ABCA12: variants seen among roughly 807,000 people sequenced by gnomAD.
ABCA12 encodes the protein ATP binding cassette subfamily A member 12.
Under a neutral mutation model 293.5 loss-of-function variants are expected in ABCA12, and 156 were observed. The ratio of observed to expected loss-of-function variants is 0.53; its 90% CI spans 0.47 to 0.61. The LOEUF is 0.61. ABCA12 is among the 20% of genes least tolerant of loss of function. The pLI is 0.00. For synonymous variants in ABCA12, 1,063 were observed against 1,108.0 expected, an observed-to-expected ratio of 0.96 and a Z score of 0.81; for missense variants, 2,797 against 3,090.2, an observed-to-expected ratio of 0.91 and a Z score of 2.25.
intron 22 of ABCA12, among the ~76,000 whole-genome samples, chr2:214,998,060 A>T (rs1483826798): frequency 6.6e-6 from 1 of 152,068 alleles, no homozygotes; most frequent in African/African-American, 2.4e-5. Context: ...TAAAATTGCC[A>T]TATTGTTTAA....
intron 2 of ABCA12, among the ~76,000 whole-genome samples, chr2:215,077,375 A>G (rs1036361461): frequency 2.6e-5 from 4 of 152,338 alleles, no homozygotes; most frequent in Admixed American, 1.3e-4. Context: ...GCTTTATAAC[A>G]ATGCTCTCTG....
intron 2 of ABCA12, among the ~76,000 whole-genome samples, chr2:215,085,817 A>G (rs759020073): frequency 7.4e-4 from 112 of 152,220 alleles, no homozygotes; most frequent in Non-Finnish European, 5.0e-4. Flanking sequence ...TGTTCAATAA[A>G]GCATCAACCT....
chr2:215,046,113 C>A, intron 6 of ABCA12, 98 bp from the exon 7 acceptor site: 1 of 1,272,334 alleles, frequency 7.9e-7, no homozygotes, highest in South Asian at 1.3e-5. Flanking sequence ...TAGATTTTCA[C>A]ATAAGCAATT....
In ABCA12 at chr2:215,019,805, A is replaced by G. The variant is rs192647108; in HGVS notation, c.1288-9T>C. ...TTTCGAAGTTGAGACAGCTTTCCAAAAAGGGAAAAGAGTGGGAAATAGATT... is the reference window on the plus strand; with the variant it reads ...TTTCGAAGTTGAGACAGCTTTCCAAGAAGGGAAAAGAGTGGGAAATAGATT... On this transcript the variant is annotated splice_polypyrimidine_tract_variant and intron_variant, in intron 11 of 52. Coordinates refer to ENST00000272895, the MANE Select transcript of ABCA12 (RefSeq NM_173076.3). The G allele has an allele frequency of 1.2e-6, 2 of 1,609,056 alleles. No individual in the cohort carries two copies. The highest frequency in any genetic ancestry group is 2.2e-5 in the East Asian group (1 of 44,884).
chr2:214,964,392 G>T (rs1261265321), intron 39 of ABCA12, among the ~76,000 whole-genome samples: 1 of 152,024 alleles, frequency 6.6e-6, no homozygotes, highest in Non-Finnish European at 1.5e-5. Flanking sequence ...ATCAGGCAAG[G>T]TAAAGAAATA....
intron 36 of ABCA12, among the ~76,000 whole-genome samples, chr2:214,971,336 T>C (rs1268275885): frequency 1.3e-5 from 2 of 152,186 alleles, no homozygotes; most frequent in Non-Finnish European, 2.9e-5. Flanking sequence ...GAGAATACTC[T>C]TATGTATTCG....
chr2:214,981,489 A>C (rs1372403724), intron 30 of ABCA12, among the ~76,000 whole-genome samples: 1 of 152,126 alleles, frequency 6.6e-6, no homozygotes, highest in Non-Finnish European at 1.5e-5. Context: ...TAGCTCCTCT[A>C]AGCATTAAAC....
At chr2:215,134,706 G>A (rs1703173512) in intron 1 of ABCA12, among the ~76,000 whole-genome samples, 1 of 145,952 alleles carries the variant, frequency 6.9e-6, no homozygotes, top group Admixed American at 6.8e-5. Flanking sequence ...GGAGTACAGG[G>A]GTTCAATCTA....
At chr2:214,983,221 G>A (rs1296325966) in intron 29 of ABCA12, among the ~76,000 whole-genome samples, 2 of 152,178 alleles carry the variant, frequency 1.3e-5, no homozygotes, top group African/African-American at 2.4e-5. Context: ...ATGTTATTGA[G>A]TATTATACTG....
chr2:214,971,876 G>A (rs975211801), intron 36 of ABCA12, among the ~76,000 whole-genome samples: 16 of 152,172 alleles, frequency 1.1e-4, no homozygotes, highest in African/African-American at 3.9e-4. Context: ...TCCCAGAGCA[G>A]AATATGAGAG....
At chr2:214,985,697 A>T (rs1699769744) in intron 28 of ABCA12, among the ~76,000 whole-genome samples, 1 of 152,164 alleles carries the variant, frequency 6.6e-6, no homozygotes, top group African/African-American at 2.4e-5. Flanking sequence ...TTTACAAAAA[A>T]AAATTAATTC....
intron 9 of ABCA12, among the ~76,000 whole-genome samples, chr2:215,027,442 A>G (rs1700774694): frequency 6.6e-6 from 1 of 152,198 alleles, no homozygotes; most frequent in Non-Finnish European, 1.5e-5. Context: ...AGATCTTCTG[A>G]GCACTTGCCT....
rs749575167 is a variant in ABCA12, at chr2:214,970,259, A to T, written c.5690+14T>A. 3.5e-5 allele frequency: 56 copies of T among 1,609,754 alleles called. No homozygotes were observed. The highest frequency in any genetic ancestry group is 4.2e-5 in the Non-Finnish European group (50 of 1,178,048). ...TAGCAAGCAATTAAATATGTTATAA[A>T]CAGATTATTTTACCTTTTTTGGACA... is the stretch of plus-strand genomic sequence containing the variant. On this transcript the variant is annotated intron_variant, in intron 37 of 52. Transcript: ENST00000272895.
intron 2 of ABCA12, among the ~76,000 whole-genome samples, chr2:215,077,251 T>C (rs968933520): frequency 6.6e-6 from 1 of 152,216 alleles, no homozygotes; most frequent in Non-Finnish European, 1.5e-5. Context: ...TATTTCACAA[T>C]TTTCTTAATA....
intron 31 of ABCA12, among the ~76,000 whole-genome samples, chr2:214,979,246 AC>A (rs1237776673): frequency 3.3e-5 from 5 of 151,520 alleles, no homozygotes; most frequent in Non-Finnish European, 7.4e-5. Context: ...CCCTTCTCTA[AC>A]CCCCTCCCTC....
At chr2:214,937,651 C>A (rs777659487) in intron 50 of ABCA12, 36 bp from the exon 51 acceptor site, 4 of 1,509,266 alleles carry the variant, frequency 2.7e-6, no homozygotes, top group Admixed American at 1.7e-5. Flanking sequence ...ATATGAATTA[C>A]ATTTTGCTGA....
rs368617702 is a variant in ABCA12, at chr2:214,989,530, G to A, written c.3694+22C>T. 6.8e-6 allele frequency: 11 copies of A among 1,613,784 alleles called. No individual in the cohort carries two copies. In the African/African-American group the frequency reaches 1.5e-4, roughly 22 times the overall value. On this transcript the variant is annotated intron_variant, in intron 25 of 52. Transcript: ENST00000272895. ...GCACAGTTGTGAAAGATAAAATCCA[G>A]TTTTAAAGAAAGGGGACCTACCAAT...
intron 1 of ABCA12, among the ~76,000 whole-genome samples, chr2:215,134,632 G>GACAAAC (rs1703169007): frequency 8.0e-6 from 1 of 125,492 alleles, no homozygotes; most frequent in African/African-American, 3.7e-5. Flanking sequence ...GAGAGAGAGA[G>GACAAAC]AGAGAGAGAC....
At chr2:214,966,607 G>A (rs1699265354) in intron 39 of ABCA12, among the ~76,000 whole-genome samples, 2 of 152,120 alleles carry the variant, frequency 1.3e-5, no homozygotes, top group East Asian at 1.9e-4. Flanking sequence ...AGACATGCAC[G>A]TGACGTCAGC....
Sources: gnomAD v4.1 joint callset for allele counts (sites outside exome capture counted in the v4.1 genomes callset) on GRCh38, gnomAD v4.1.1 for gene constraint, MANE v1.5 for transcripts, NCBI Gene and HGNC (gene_info 2026-07-23, HGNC 2026-07-21) for gene names.